Variants in SRBD1 observed in about 807,000 individuals in gnomAD.
SRBD1 encodes S1 RNA-binding domain-containing protein 1.
SRBD1 carries 88 observed loss-of-function variants against 115.3 expected under a neutral mutation model. The observed-to-expected ratio is 0.76, with a 90% CI of 0.64 to 0.91. The LOEUF (loss-of-function observed/expected upper bound fraction) is 0.91, where lower values mean the gene tolerates loss of function less well. Ranked by LOEUF, SRBD1 falls within the 40% of genes least tolerant of loss-of-function variation. The pLI, the probability that SRBD1 is intolerant of heterozygous loss-of-function variation, is 0.00. For missense variants in SRBD1, 1,385 were observed against 1,177.4 expected, an observed-to-expected ratio of 1.18 and a Z score of -2.58; for synonymous variants, 509 against 407.7, an observed-to-expected ratio of 1.25 and a Z score of -2.99.
chr2:45,602,718 G>A (rs1674137787), intron 2 of SRBD1, among the ~76,000 whole-genome samples: 1 of 151,730 alleles, frequency 6.6e-6, no homozygotes, highest in Non-Finnish European at 1.5e-5. Flanking sequence ...AAGCAGCCAT[G>A]GGAACTCTTT....
At chr2:45,580,282 G>T (rs928395574) in intron 6 of SRBD1, among the ~76,000 whole-genome samples, 3 of 152,072 alleles carry the variant, frequency 2.0e-5, no homozygotes, top group African/African-American at 7.2e-5. Context: ...GGACTGCAAA[G>T]TCCTCAACTC....
At chr2:45,472,006 T>TGA (rs1669664575) in intron 16 of SRBD1, among the ~76,000 whole-genome samples, 1 of 152,004 alleles carries the variant, frequency 6.6e-6, no homozygotes, top group Non-Finnish European at 1.5e-5. Context: ...AATGAAAACA[T>TGA]ACATAAAAAC....
At chr2:45,608,686 T>C (rs866558500) in intron 1 of SRBD1, among the ~76,000 whole-genome samples, 56 of 152,312 alleles carry the variant, frequency 3.7e-4, no homozygotes, top group Middle Eastern at 3.4e-3. Context: ...TTTAGATGTC[T>C]CACAGTTAAC....
At chr2:45,517,408 A>C (rs2103944095) in intron 14 of SRBD1, among the ~76,000 whole-genome samples, 2 of 152,354 alleles carry the variant, frequency 1.3e-5, no homozygotes, top group Middle Eastern at 3.4e-3. Flanking sequence ...AAGAAGACTA[A>C]AAAACAAGTA....
At chr2:45,565,481 A>C (rs950110602) in intron 9 of SRBD1, among the ~76,000 whole-genome samples, 1 of 152,204 alleles carries the variant, frequency 6.6e-6, no homozygotes, top group African/African-American at 2.4e-5. Flanking sequence ...AAATTAACTC[A>C]AAATTGATCT....
intron 16 of SRBD1, among the ~76,000 whole-genome samples, chr2:45,439,201 C>G (rs1389164563): frequency 6.6e-6 from 1 of 151,736 alleles, no homozygotes; most frequent in Non-Finnish European, 1.5e-5. Flanking sequence ...GCCAGCAGAC[C>G]TACACTACAA....
intron 16 of SRBD1, among the ~76,000 whole-genome samples, chr2:45,443,308 T>A (rs998781200): frequency 6.6e-6 from 1 of 152,096 alleles, no homozygotes; most frequent in African/African-American, 2.4e-5. Context: ...TAGAGAATGA[T>A]GAAGCAAAAG....
intron 19 of SRBD1, 129 bp from the exon 20 acceptor site, chr2:45,393,258 C>A (rs1667056299): frequency 2.2e-6 from 2 of 919,910 alleles, no homozygotes; most frequent in African/African-American, 1.7e-5. Context: ...TATTGAGAAT[C>A]TATTATGTGT....
At chr2:45,579,197 T>C (rs533535683) in intron 7 of SRBD1, among the ~76,000 whole-genome samples, 1 of 152,320 alleles carries the variant, frequency 6.6e-6, no homozygotes, top group African/African-American at 2.4e-5. Flanking sequence ...TAGAAATATG[T>C]CTCCCTTACT....
intron 15 of SRBD1, among the ~76,000 whole-genome samples, chr2:45,480,998 A>T (rs1669946599): frequency 6.6e-6 from 1 of 152,144 alleles, no homozygotes; most frequent in Admixed American, 6.6e-5. Context: ...ACCACATCTC[A>T]GCCTTTAGTA....
intron 15 of SRBD1, among the ~76,000 whole-genome samples, chr2:45,480,072 C>T (rs1172551400): frequency 6.6e-6 from 1 of 152,084 alleles, no homozygotes; most frequent in Non-Finnish European, 1.5e-5. Flanking sequence ...ACTGTGGAGA[C>T]CTACTGCTCA....
intron 14 of SRBD1, among the ~76,000 whole-genome samples, chr2:45,541,467 C>T (rs945994506): frequency 3.3e-5 from 5 of 152,210 alleles, no homozygotes; most frequent in Non-Finnish European, 5.9e-5. Flanking sequence ...AACCAGAGTT[C>T]TTGTCCCATG....
intron 18 of SRBD1, 38 bp from the exon 19 acceptor site, chr2:45,413,331 G>A: frequency 1.9e-6 from 3 of 1,583,390 alleles, no homozygotes; most frequent in Non-Finnish European, 2.6e-6. Context: ...TATGAAAAGG[G>A]GAAGGTTGGG....
At chr2:45,567,766 A>G (rs1672878761) in intron 9 of SRBD1, among the ~76,000 whole-genome samples, 1 of 152,244 alleles carries the variant, frequency 6.6e-6, no homozygotes, top group Admixed American at 6.5e-5. Context: ...CTTAGTAAAC[A>G]GAAGTTCTTC....
chr2:45,399,844 T>C (rs548437395), intron 19 of SRBD1, among the ~76,000 whole-genome samples: 1 of 152,286 alleles, frequency 6.6e-6, no homozygotes, highest in South Asian at 2.1e-4. Context: ...AGAATTAATA[T>C]AATTTAATTT....
intron 16 of SRBD1, among the ~76,000 whole-genome samples, chr2:45,467,707 T>C (rs1256578548): frequency 6.6e-6 from 1 of 152,228 alleles, no homozygotes; most frequent in African/African-American, 2.4e-5. Flanking sequence ...GAGAAAGATT[T>C]CTAAGAATAT....
intron 14 of SRBD1, among the ~76,000 whole-genome samples, chr2:45,525,006 T>G (rs1304516630): frequency 6.6e-6 from 1 of 151,984 alleles, no homozygotes; most frequent in African/African-American, 2.4e-5. Context: ...GTCAACTGAT[T>G]AGGACAGGGT....
At chr2:45,400,392 C>T (rs1289136233) in intron 19 of SRBD1, among the ~76,000 whole-genome samples, 1 of 152,050 alleles carries the variant, frequency 6.6e-6, no homozygotes, top group Non-Finnish European at 1.5e-5. Context: ...ATGGAAGAGG[C>T]TGAAGCAAGC....
chr2:45,512,437 T>C (rs1339921980), intron 14 of SRBD1, among the ~76,000 whole-genome samples: 1 of 152,192 alleles, frequency 6.6e-6, no homozygotes, highest in Non-Finnish European at 1.5e-5. Context: ...CTATGAAGGA[T>C]AATCCTATCA....
Sources: gnomAD v4.1 joint callset for allele counts (sites outside exome capture counted in the v4.1 genomes callset) on GRCh38, gnomAD v4.1.1 for gene constraint, MANE v1.5 for transcripts, NCBI Gene and HGNC (gene_info 2026-07-23, HGNC 2026-07-21) for gene names.